Variants in LPA observed in about 807,000 individuals in gnomAD.
The protein encoded by LPA is apolipoprotein(a).
Under a neutral mutation model 197.9 loss-of-function variants are expected in LPA, and 199 were observed. The observed-to-expected ratio is 1.01, with a 90% CI of 0.90 to 1.13. LPA has a LOEUF of 1.13. LPA is among the 50% of genes most tolerant of loss of function. LPA has a pLI of 0.00. For synonymous variants in LPA, 715 were observed against 639.5 expected (o/e 1.12, Z -1.78); for missense variants, 1,853 against 1,785.8 (o/e 1.04, Z -0.68).
chr6:160,580,825 A>G (rs1583594099), intron 26 of LPA, among the ~76,000 whole-genome samples: 2 of 152,302 alleles, frequency 1.3e-5, no homozygotes, highest in East Asian at 3.9e-4. Flanking sequence ...TGTCAGATAT[A>G]TGGATGAGAG....
intron 28 of LPA, among the ~76,000 whole-genome samples, chr6:160,576,167 G>T (rs534183187): frequency 6.6e-6 from 1 of 151,308 alleles, no homozygotes; most frequent in South Asian, 2.1e-4. Flanking sequence ...GCTTATACCT[G>T]CTTTTTGTCC....
chr6:160,596,240 T>A (rs1779129698), intron 20 of LPA, among the ~76,000 whole-genome samples: 3 of 152,232 alleles, frequency 2.0e-5, no homozygotes. Flanking sequence ...GTCTGTCATT[T>A]GTTTAGCCAG....
At chr6:160,575,228 T>C (rs550563851) in intron 28 of LPA, among the ~76,000 whole-genome samples, 36 of 152,312 alleles carry the variant, frequency 2.4e-4, no homozygotes, top group African/African-American at 7.2e-4. Context: ...TCAGCCATCA[T>C]TGCTTCAGGC....
chr6:160,594,834 G>A (rs1368084683), intron 21 of LPA, among the ~76,000 whole-genome samples: 1 of 152,182 alleles, frequency 6.6e-6, no homozygotes, highest in Non-Finnish European at 1.5e-5. Context: ...ATGGAGATAG[G>A]CCAGAACGAT....
intron 33 of LPA, among the ~76,000 whole-genome samples, chr6:160,544,376 C>T (rs1433818461): frequency 2.6e-5 from 4 of 152,068 alleles, no homozygotes; most frequent in South Asian, 4.2e-4. Flanking sequence ...AGCACCCACT[C>T]GAGAAAAAAG....
intron 28 of LPA, among the ~76,000 whole-genome samples, chr6:160,576,396 A>ATACATATATATATATATATATGTG (rs1778674416): frequency 6.4e-5 from 3 of 46,940 alleles, no homozygotes; most frequent in South Asian, 7.8e-4. Context: ...ATATGTATAT[A>ATACATATATATATATATATATGTG]TATATATATA....
rs1780060202 is a variant in LPA, at chr6:160,653,981, AAT to A, written c.50-3486_50-3485del. Among the ~76,000 whole-genome samples the A allele has an allele frequency of 5.0e-4, 7 of 13,990 alleles. 1 individual carries two copies. The highest frequency in any genetic ancestry group is 1.8e-3 in the African/African-American group (7 of 3,856). 9.2% of individuals were successfully genotyped at this position (13,990 alleles called of 152,430 possible). ...ATAATATATATTATATATAATATAT[AAT>A]ATATAATATATATTATATATAATAT... On this transcript the variant is annotated intron_variant, in intron 1 of 38. Coordinates refer to ENST00000316300, the MANE Select transcript of LPA (RefSeq NM_005577.4).
rs571184971 is a variant in LPA at position 160,545,261 on chromosome 6, G to A, written c.5398+179C>T. On this transcript the variant is annotated intron_variant, in intron 33 of 38. Transcript: ENST00000316300. ...GGGGCGGGTGTTTTCCTAACAAATG[G>A]GGCCAATAGTAGGGCAGGTTCAAGG... Among the ~76,000 whole-genome samples the A allele has an allele frequency of 2.6e-5, 4 of 152,058 alleles. No individual in the cohort carries two copies. In the South Asian group the frequency reaches 6.2e-4, roughly 24 times the overall value.
chr6:160,591,861 A>G (rs1299753411), intron 22 of LPA, among the ~76,000 whole-genome samples: 5 of 152,118 alleles, frequency 3.3e-5, no homozygotes, highest in Middle Eastern at 3.4e-3. Context: ...CTTGTGTCTT[A>G]TTTGCTTTTC....
In LPA at chr6:160,540,054, T is replaced by C. The variant is rs1383921220; in HGVS notation, c.5724A>G (p.Leu1908=). The change falls in exon 36 of 39, where the codon CTA becomes CTG. Residue 1908 remains leucine (L), a synonymous_variant. Transcript: ENST00000316300. The stretch of plus-strand genomic sequence containing the variant: ...AGGTGAGCGAGTACCTGCTTAGCTT[T>C]AGCAAGGCAATATCTGCTTGTGTGG... ...LEPTQADIAL[L]KLSRPAVITD... 1.2e-6 allele frequency: 2 copies of C among 1,614,136 alleles called. No homozygotes were observed. Among genetic ancestry groups the C allele is most frequent in the Non-Finnish European group, 1.7e-6 (2 of 1,180,018 alleles).
chr6:160,587,799 GTT>G (rs1491158739), intron 24 of LPA, among the ~76,000 whole-genome samples: 24,895 of 112,164 alleles, frequency 0.22, 2,362 homozygotes, highest in East Asian at 0.35. Context: ...GTGTGTGTGT[GTT>G]TCTGTCTGTT....
intron 1 of LPA, among the ~76,000 whole-genome samples, chr6:160,657,518 C>T (rs1287872733): frequency 2.0e-5 from 3 of 151,644 alleles, no homozygotes; most frequent in Admixed American, 6.6e-5. Context: ...CTTGCCTCAG[C>T]CTCCCAAGTA....
rs144958108 is a variant in LPA at position 160,591,230 on chromosome 6, A to G, written c.3630-129T>C. Reference sequence around the variant, plus strand: ...GAAATATTCTCACTAAAGGTCCTGTAACAATCACAAATCGTCCTCAACTTC... The same window carrying G: ...GAAATATTCTCACTAAAGGTCCTGTGACAATCACAAATCGTCCTCAACTTC... On this transcript the variant is annotated intron_variant, in intron 22 of 38. Coordinates refer to ENST00000316300, the MANE Select transcript of LPA (RefSeq NM_005577.4). The G allele has an allele frequency of 1.6e-3, 1,900 of 1,164,336 alleles. 10 individuals carry two copies. The highest frequency in any genetic ancestry group is 4.2e-3 in the South Asian group (314 of 74,850). The allele number at this position is 1,164,336 out of a possible 1,614,324, so 72.1% of individuals were successfully genotyped here.
rs573439020 is a variant in LPA, at chr6:160,647,153, A to T, written c.210-758T>A. ...AGTCTATCCTCTGCTGTCCACAGCC[A>T]CTCCAGAACTGGGGGATGAGTTGAA... On this transcript the variant is annotated intron_variant, in intron 2 of 38. Transcript: ENST00000316300. 9.9e-5 allele frequency among the ~76,000 whole-genome samples: 15 copies of T among 152,164 alleles called. No individual in the cohort carries two copies. The East Asian group carries it at 2.9e-3, about 29-fold the overall frequency.
chr6:160,606,396 A>G, intron 17 of LPA, 81 bp downstream of exon 17: 2 of 1,546,702 alleles, frequency 1.3e-6, no homozygotes, highest in Non-Finnish European at 1.8e-6. Flanking sequence ...TTACCATTGG[A>G]GGCTGCTGCA....
chr6:160,590,101 G>A (rs188902930), intron 23 of LPA, among the ~76,000 whole-genome samples: 6 of 152,266 alleles, frequency 3.9e-5, no homozygotes, highest in Admixed American at 2.6e-4. Context: ...ACATGAAACC[G>A]TCACACATTT....
intron 1 of LPA, among the ~76,000 whole-genome samples, chr6:160,654,026 TAATA>T (rs1562354827): frequency 0.017 from 145 of 8,392 alleles, 23 homozygotes; most frequent in South Asian, 0.039. Flanking sequence ...ATATAATATA[TAATA>T]TATATTATAT....
chr6:160,609,050 C>T (rs1397828998), intron 16 of LPA, among the ~76,000 whole-genome samples: 6 of 151,992 alleles, frequency 3.9e-5, no homozygotes, highest in Non-Finnish European at 8.8e-5. Flanking sequence ...CTGTTACTTT[C>T]TTTTGATATT....
intron 28 of LPA, among the ~76,000 whole-genome samples, chr6:160,561,930 C>G (rs551985742): frequency 6.6e-6 from 1 of 152,284 alleles, no homozygotes; most frequent in African/African-American, 2.4e-5. Context: ...TATCCTGAGA[C>G]TTTGCTGAAG....
Sources: gnomAD v4.1 joint callset for allele counts (sites outside exome capture counted in the v4.1 genomes callset) on GRCh38, gnomAD v4.1.1 for gene constraint, MANE v1.5 for transcripts, NCBI Gene and HGNC (gene_info 2026-07-23, HGNC 2026-07-21) for gene names.